The following EXT2 variants were observed in gnomAD, a reference collection of about 807,000 sequenced individuals.
EXT2 encodes exostosin-2.
EXT2 carries 53 observed loss-of-function variants against 81.6 expected under a neutral mutation model. The ratio of observed to expected loss-of-function variants is 0.65; its 90% CI spans 0.52 to 0.82. EXT2 has a LOEUF of 0.82. Among genes scored for constraint, EXT2 ranks in the 40% least tolerant of loss-of-function variants. EXT2 has a pLI of 0.00. For missense variants in EXT2, 774 were observed against 910.2 expected (o/e 0.85, Z 1.93); for synonymous variants, 320 against 340.0 (o/e 0.94, Z 0.65).
In EXT2 at chr11:44,159,125, T is replaced by C. The variant is rs559334114; in HGVS notation, c.1174-12486T>C. Among the ~76,000 whole-genome samples, 9 of 151,672 alleles carry C rather than the reference T, an allele frequency of 5.9e-5. No individual in the cohort carries two copies. The East Asian group carries it at 1.7e-3, about 29-fold the overall frequency. ...TTTAGGGTTTTTGCTTTCGTTCTTT[T>C]TTTTTTTTTCTTCATTTATTCTGTT... On this transcript the variant is annotated intron_variant, in intron 7 of 13. Transcript: ENST00000533608.
chr11:44,112,241 G>A (rs1418366926), intron 3 of EXT2, among the ~76,000 whole-genome samples: 1 of 152,152 alleles, frequency 6.6e-6, no homozygotes, highest in African/African-American at 2.4e-5. Flanking sequence ...AGAATACAAG[G>A]CCGTGGAGAG....
intron 10 of EXT2, among the ~76,000 whole-genome samples, chr11:44,208,458 C>T (rs1372063307): frequency 2.0e-5 from 3 of 152,160 alleles, no homozygotes; most frequent in African/African-American, 2.4e-5. Flanking sequence ...TATGTTAATG[C>T]GAGGAAGTTT....
intron 13 of EXT2, among the ~76,000 whole-genome samples, chr11:44,237,932 A>C (rs1261421753): frequency 2.1e-5 from 3 of 142,870 alleles, no homozygotes; most frequent in Non-Finnish European, 3.1e-5. Flanking sequence ...AAAAAAAAAC[A>C]TACAAAGTTA....
chr11:44,229,529 A>G (rs1461337042), intron 10 of EXT2, among the ~76,000 whole-genome samples: 2 of 152,188 alleles, frequency 1.3e-5, no homozygotes, highest in African/African-American at 2.4e-5. Context: ...ACCACGCCCA[A>G]GACCTAGGTC....
chr11:44,128,593 A>T lies in EXT2; in HGVS notation c.1080-1452A>T, dbSNP rs146406577. Among the ~76,000 whole-genome samples the T allele has an allele frequency of 2.8e-3, 429 of 152,250 alleles. 4 individuals are homozygous for T. The highest frequency in any genetic ancestry group is 3.8e-3 in the Non-Finnish European group (257 of 68,012). ...TGTGACTGGATGGGATGCCAGGAGG[A>T]GGGGGAGACACACACCATCATTGGC... On this transcript the variant is annotated intron_variant, in intron 6 of 13. Transcript: ENST00000533608.
chr11:44,161,802 G>T (rs1268028238), intron 7 of EXT2, among the ~76,000 whole-genome samples: 2 of 152,186 alleles, frequency 1.3e-5, no homozygotes, highest in African/African-American at 4.8e-5. Flanking sequence ...TCCCCTGATG[G>T]AGTGTGAAGG....
intron 7 of EXT2, among the ~76,000 whole-genome samples, chr11:44,136,263 C>CAAAGCAG (rs1415763876): frequency 6.6e-6 from 1 of 152,132 alleles, no homozygotes; most frequent in Non-Finnish European, 1.5e-5. Context: ...CACCAGTTTA[C>CAAAGCAG]AAAGCAGACT....
At chr11:44,150,057 A>G (rs1055119349) in intron 7 of EXT2, among the ~76,000 whole-genome samples, 4 of 152,206 alleles carry the variant, frequency 2.6e-5, no homozygotes, top group Non-Finnish European at 5.9e-5. Flanking sequence ...GGCCTGGAAG[A>G]TTGTGTAGAG....
At chr11:44,156,537 T>C (rs1460666857) in intron 7 of EXT2, among the ~76,000 whole-genome samples, 1 of 152,246 alleles carries the variant, frequency 6.6e-6, no homozygotes, top group Admixed American at 6.5e-5. Context: ...ATGGAAATTT[T>C]TAGCTCCAGA....
intron 10 of EXT2, among the ~76,000 whole-genome samples, chr11:44,209,477 A>C (rs1272075589): frequency 3.9e-5 from 6 of 152,200 alleles, no homozygotes; most frequent in Admixed American, 3.9e-4. Flanking sequence ...TCTATCTTGA[A>C]GAAGGGACTC....
rs182015862 is a variant in EXT2 at position 44,111,051 on chromosome 11, A to T, written c.626+1768A>T. On this transcript the variant is annotated intron_variant, in intron 3 of 13. Coordinates refer to ENST00000533608, the MANE Select transcript of EXT2 (RefSeq NM_207122.2). Reference sequence around the variant, plus strand: ...TGCAGAATGGTTTTACAGGAGCTGCATGTCAGATTGTTTGGAAATTAGAAA... The same window carrying T: ...TGCAGAATGGTTTTACAGGAGCTGCTTGTCAGATTGTTTGGAAATTAGAAA... Among the ~76,000 whole-genome samples the T allele has an allele frequency of 5.3e-5, 8 of 152,340 alleles. 1 individual carries two copies. The East Asian group carries it at 7.7e-4, about 15-fold the overall frequency.
At chr11:44,112,571 A>G (rs1378058137) in intron 3 of EXT2, among the ~76,000 whole-genome samples, 1 of 152,224 alleles carries the variant, frequency 6.6e-6, no homozygotes, top group East Asian at 1.9e-4. Flanking sequence ...TTGGCAGAAG[A>G]AGATACAGTG....
Position 44,173,332 on chromosome 11 carries a change from G to A in EXT2, c.1305+1590G>A, listed in dbSNP as rs77200316. ...ATTACCAAAGGTAACATCTCAGAAT[G>A]TAAGCATAATTTTGTAGTTTTAAAA... On this transcript the variant is annotated intron_variant, in intron 8 of 13. Transcript: ENST00000533608. Among the ~76,000 whole-genome samples, 839 of 152,254 alleles carry A rather than the reference G, an allele frequency of 5.5e-3. 13 individuals are homozygous for A. Among genetic ancestry groups the A allele is most frequent in the African/African-American group, 0.019 (794 of 41,540 alleles).
At chr11:44,192,674 C>T (rs1955407591) in intron 8 of EXT2, among the ~76,000 whole-genome samples, 1 of 152,044 alleles carries the variant, frequency 6.6e-6, no homozygotes, top group African/African-American at 2.4e-5. Flanking sequence ...ATCATCATTG[C>T]CCTAGGAGGT....
At chr11:44,171,272 C>G (rs140049636) in intron 7 of EXT2, among the ~76,000 whole-genome samples, 5 of 152,278 alleles carry the variant, frequency 3.3e-5, no homozygotes, top group African/African-American at 1.2e-4. Flanking sequence ...ATTCATTGAG[C>G]TGTACACAAG....
At chr11:44,224,278 A>G (rs1331132310) in intron 10 of EXT2, among the ~76,000 whole-genome samples, 1 of 152,066 alleles carries the variant, frequency 6.6e-6, no homozygotes, top group Non-Finnish European at 1.5e-5. Context: ...TTGATGTTGG[A>G]TTGCCTTTTC....
intron 13 of EXT2, among the ~76,000 whole-genome samples, chr11:44,237,740 C>T (rs1283161983): frequency 1.3e-5 from 2 of 151,982 alleles, no homozygotes; most frequent in Non-Finnish European, 2.9e-5. Context: ...TCTAGCACTA[C>T]TGAGATCTTA....
At chr11:44,168,342 G>A (rs1172920300) in intron 7 of EXT2, among the ~76,000 whole-genome samples, 1 of 152,102 alleles carries the variant, frequency 6.6e-6, no homozygotes, top group Non-Finnish European at 1.5e-5. Context: ...AGAGATACAT[G>A]AGATATATTG....
intron 1 of EXT2, chr11:44,096,400 G>T (rs1953897719): frequency 7.2e-7 from 1 of 1,389,344 alleles, no homozygotes; most frequent in Non-Finnish European, 9.8e-7. Flanking sequence ...GGGTGACCGG[G>T]AACTAGATGG....
Sources: gnomAD v4.1 joint callset for allele counts (sites outside exome capture counted in the v4.1 genomes callset) on GRCh38, gnomAD v4.1.1 for gene constraint, MANE v1.5 for transcripts, NCBI Gene and HGNC (gene_info 2026-07-23, HGNC 2026-07-21) for gene names.